Variants in PGRMC2 observed in about 807,000 individuals in gnomAD.
The protein encoded by PGRMC2 is progesterone receptor membrane component 2, also known as membrane-associated progesterone receptor component 2.
A neutral mutation model predicts 19.3 loss-of-function variants in PGRMC2; 9 were observed. The observed-to-expected ratio is 0.47, with a 90% CI of 0.28 to 0.81. The LOEUF is 0.81. Among genes scored for constraint, PGRMC2 ranks in the 40% least tolerant of loss-of-function variants. PGRMC2 has a pLI of 0.11. For synonymous variants in PGRMC2, 157 were observed against 124.6 expected (o/e 1.26, Z -1.73); for missense variants, 289 against 297.3 (o/e 0.97, Z 0.21).
intron 1 of PGRMC2, chr4:128,287,014 G>T (rs1221371479): frequency 2.7e-6 from 1 of 368,278 alleles, no homozygotes; most frequent in African/African-American, 2.1e-5. Flanking sequence ...CTCAAAAAAG[G>T]TTAAGGGCCA....
chr4:128,272,517 G>T lies in PGRMC2; in HGVS notation c.419C>A (p.Ala140Glu), dbSNP rs772145721. The change falls in exon 2 of 3, where the codon GCG becomes GAG. Residue 140 changes from alanine to glutamate, a missense_variant and splice_region_variant. Coordinates refer to ENST00000296425, the MANE Select transcript of PGRMC2 (RefSeq NM_006320.6). The stretch of plus-strand genomic sequence containing the variant: ...ACCAGCAAATATTCCATATGGACCC[G>T]CTGGAAAAAAGAAAATAAATTATTT... ...VTKGSKFYGP[A>E]GPYGIFAGRD... is the part of the protein sequence containing the mutation. 1 of 1,440,100 alleles carries T rather than the reference G, an allele frequency of 6.9e-7. No individual in the cohort carries two copies. The highest frequency in any genetic ancestry group is 9.1e-7 in the Non-Finnish European group (1 of 1,095,848). 89.2% of individuals were successfully genotyped at this position (1,440,100 alleles called of 1,614,324 possible).
At chr4:128,287,330 T>C in intron 1 of PGRMC2, 43 bp downstream of exon 1, 1 of 1,558,366 alleles carries the variant, frequency 6.4e-7, no homozygotes, top group South Asian at 1.2e-5. Flanking sequence ...GGGGTTGTGC[T>C]TCAGCTGCAG....
Position 128,287,419 on chromosome 4 carries a change from A to G in PGRMC2, c.372T>C (p.Asn124=). 6.2e-7 allele frequency: 1 copy of G among 1,612,696 alleles called. No individual in the cohort carries two copies. Among genetic ancestry groups the G allele is most frequent in the Non-Finnish European group, 8.5e-7 (1 of 1,179,016 alleles). The change falls in exon 1 of 3, where the codon AAT becomes AAC. Residue 124 remains asparagine (N), a synonymous_variant. Transcript: ENST00000296425. ...CTTTGGTCACGTCGAAGACTTTCCC[A>G]TTGACCGCGAGCAGGATGCGCGGGT... ...SRNPRILLAV[N]GKVFDVTKGS...
intron 2 of PGRMC2, among the ~76,000 whole-genome samples, chr4:128,272,054 C>T: frequency 6.6e-6 from 1 of 152,072 alleles, no homozygotes; most frequent in East Asian, 1.9e-4. Flanking sequence ...TATTGATTTT[C>T]AAAATAATTA....
At chr4:128,283,891 C>T (rs1037250222) in intron 1 of PGRMC2, among the ~76,000 whole-genome samples, 1 of 152,182 alleles carries the variant, frequency 6.6e-6, no homozygotes, top group Admixed American at 6.5e-5. Context: ...GAACTCCTGA[C>T]CTCAGGTGAT....
Position 128,271,342 on chromosome 4 carries a change from T to C in PGRMC2, c.646A>G (p.Thr216Ala), listed in dbSNP as rs2110557290. 3.1e-6 allele frequency: 5 copies of C among 1,601,476 alleles called. No homozygotes were observed. In the East Asian group the frequency reaches 1.1e-4, roughly 36 times the overall value. Reference protein sequence around the residue: ...EPSEYTDEEDTKDHNKQD With the variant: ...EPSEYTDEEDAKDHNKQD ...CAATCCTGTTTATTGTGATCCTTGGTATCTTCTTCATCTGTATATTCTGAT... is the reference window on the plus strand; with the variant it reads ...CAATCCTGTTTATTGTGATCCTTGGCATCTTCTTCATCTGTATATTCTGAT... Residue 216 changes from threonine (T) to alanine (A), a missense_variant, in exon 3 of 3, where the codon ACC (threonine) becomes GCC (alanine). Physicochemically the swap from Thr to Ala is moderately conservative, Grantham distance 58 (BLOSUM62 0). Coordinates refer to ENST00000296425, the MANE Select transcript of PGRMC2 (RefSeq NM_006320.6).
chr4:128,286,640 C>T (rs539534104), intron 1 of PGRMC2: 11 of 398,470 alleles, frequency 2.8e-5, no homozygotes, highest in Non-Finnish European at 4.9e-5. Context: ...AGGAGCTCCA[C>T]CCCCAAAACT....
intron 1 of PGRMC2, chr4:128,286,859 G>T: frequency 5.7e-6 from 2 of 349,198 alleles, no homozygotes; most frequent in Middle Eastern, 7.3e-4. Flanking sequence ...TACAGCGAGG[G>T]AAAAAAGGAG....
rs1578889789 is a variant in PGRMC2, at chr4:128,287,776, A to T, written c.15T>A (p.Asp5Glu). MAAG[D>E]GDVKLGTLGS... ...CCAGGGTGCCTAGCTTCACGTCCCC[A>T]TCACCAGCCGCCATCACTGCCCGCC... is the stretch of plus-strand genomic sequence containing the variant. The change falls in exon 1 of 3, where the codon GAT becomes GAA. Residue 5 changes from aspartate (D) to glutamate (E), a missense_variant. Physicochemically the swap from Asp to Glu is conservative, Grantham distance 45. Transcript: ENST00000296425. 6.7e-7 allele frequency: 1 copy of T among 1,481,920 alleles called. No individual in the cohort carries two copies. Among genetic ancestry groups the T allele is most frequent in the Non-Finnish European group, 9.2e-7 (1 of 1,083,108 alleles). The allele number at this position is 1,481,920 out of a possible 1,614,324, so 91.8% of individuals were successfully genotyped here. A position where few individuals can be genotyped will look rare whatever the true frequency, so the allele number is the denominator to read the frequency against.
At position 128,272,492 on chromosome 4, in the gene PGRMC2, A is replaced by G. The variant is rs777328291; in HGVS notation, c.444T>C (p.Gly148=). The change falls in exon 2 of 3, where the codon GGT becomes GGC. Residue 148 remains glycine, a synonymous_variant. Transcript: ENST00000296425. ...TGGCCAGTCCTCTGGAGGCATCCCTACCAGCAAATATTCCATATGGACCCG... is the reference window on the plus strand; with the variant it reads ...TGGCCAGTCCTCTGGAGGCATCCCTGCCAGCAAATATTCCATATGGACCCG... ...GPAGPYGIFA[G]RDASRGLATF... is the part of the protein sequence containing the mutation. The G allele has an allele frequency of 9.2e-6, 14 of 1,526,376 alleles. No homozygotes were observed. The highest frequency in any genetic ancestry group is 1.2e-5 in the Non-Finnish European group (14 of 1,138,738). 94.6% of individuals were successfully genotyped at this position (1,526,376 alleles called of 1,614,324 possible). A position where few individuals can be genotyped will look rare whatever the true frequency, so the allele number is the denominator to read the frequency against.
Position 128,269,825 on chromosome 4 carries a change from T to C in PGRMC2, c.*1491A>G, listed in dbSNP as rs974504582. Reference sequence around the variant, plus strand: ...ATCTATCAGTGCAATATTCTTTTACTGTTTTGTGTTCAATAACCACCTGGA... The same window carrying C: ...ATCTATCAGTGCAATATTCTTTTACCGTTTTGTGTTCAATAACCACCTGGA... On this transcript the variant is annotated 3_prime_UTR_variant, in exon 3 of 3. Transcript: ENST00000296425. 1.3e-5 allele frequency: 2 copies of C among 152,248 alleles called. No homozygotes were observed. The highest frequency in any genetic ancestry group is 2.9e-5 in the Non-Finnish European group (2 of 68,030). The allele number at this position is 152,248 out of a possible 1,614,324, so 9.4% of individuals were successfully genotyped here.
At chr4:128,272,797 A>G (rs41298569) in intron 1 of PGRMC2, 42 of 248,618 alleles carry the variant, frequency 1.7e-4, no homozygotes, top group Admixed American at 5.5e-5. Flanking sequence ...AATATTCAAA[A>G]TGAAGACTGT....
chr4:128,280,039 A>G (rs1760883568), intron 1 of PGRMC2, among the ~76,000 whole-genome samples: 1 of 152,124 alleles, frequency 6.6e-6, no homozygotes, highest in Non-Finnish European at 1.5e-5. Flanking sequence ...CTCTTTCACA[A>G]CTTAGGGCTC....
intron 1 of PGRMC2, among the ~76,000 whole-genome samples, chr4:128,275,752 G>T (rs992979975): frequency 2.0e-5 from 3 of 152,034 alleles, no homozygotes; most frequent in Admixed American, 1.3e-4. Context: ...TTGAGACAGG[G>T]TCTTACTCTG....
At chr4:128,279,403 G>A (rs1021241007) in intron 1 of PGRMC2, among the ~76,000 whole-genome samples, 1 of 152,108 alleles carries the variant, frequency 6.6e-6, no homozygotes, top group African/African-American at 2.4e-5. Flanking sequence ...TTAATACCAC[G>A]TTTTTGGCAA....
rs1354504717 is a variant in PGRMC2, at chr4:128,270,518, T to G, written c.*798A>C. ...CAGAATATTCCAACTTCAGTCTTAATGCTGCTTGTAGTGATTTCTGAATTC... is the reference window on the plus strand; with the variant it reads ...CAGAATATTCCAACTTCAGTCTTAAGGCTGCTTGTAGTGATTTCTGAATTC... On this transcript the variant is annotated 3_prime_UTR_variant, in exon 3 of 3. Transcript: ENST00000296425. 1.3e-5 allele frequency: 2 copies of G among 152,620 alleles called. No individual in the cohort carries two copies. Among genetic ancestry groups the G allele is most frequent in the Non-Finnish European group, 2.9e-5 (2 of 68,036 alleles). The allele number at this position is 152,620 out of a possible 1,614,324, so 9.5% of individuals were successfully genotyped here.
intron 2 of PGRMC2, 78 bp downstream of exon 2, chr4:128,272,284 C>CT: frequency 1.2e-6 from 1 of 861,502 alleles, no homozygotes. Flanking sequence ...TCCTTAGGCT[C>CT]TTAAAGCATG....
At chr4:128,271,440 G>A in intron 2 of PGRMC2, 27 bp from the exon 3 acceptor site, 1 of 1,238,082 alleles carries the variant, frequency 8.1e-7, no homozygotes, top group Non-Finnish European at 1.2e-6. Flanking sequence ...AAGAAAATCA[G>A]TGGTGATCAA....
intron 1 of PGRMC2, among the ~76,000 whole-genome samples, chr4:128,276,750 A>G (rs891671911): frequency 6.6e-6 from 1 of 152,264 alleles, no homozygotes; most frequent in East Asian, 1.9e-4. Context: ...ATATTAAAAT[A>G]TAATGCTGAT....
Sources: allele counts gnomAD v4.1 joint callset (sites outside exome capture counted in the v4.1 genomes callset), GRCh38; gene constraint gnomAD v4.1.1; transcripts MANE v1.5; gene names NCBI Gene and HGNC (gene_info 2026-07-23, HGNC 2026-07-21).